SFMBT2: variants seen among roughly 807,000 people sequenced by gnomAD.
SFMBT2 encodes scm-like with four MBT domains protein 2.
In SFMBT2, 38 loss-of-function variants were observed where a neutral mutation model predicts 110.1. The ratio of observed to expected loss-of-function variants is 0.35; its 90% CI spans 0.27 to 0.45. SFMBT2 has a LOEUF of 0.45. SFMBT2 is among the 20% of genes least tolerant of loss of function. The pLI, the probability that SFMBT2 is intolerant of heterozygous loss-of-function variation, is 1.00. For synonymous variants in SFMBT2, 425 were observed against 425.4 expected, an observed-to-expected ratio of 1.00 and a Z score of 0.01; for missense variants, 1,011 against 1,094.9, an observed-to-expected ratio of 0.92 and a Z score of 1.08.
intron 4 of SFMBT2, among the ~76,000 whole-genome samples, chr10:7,315,038 G>GAGAGAGAAAGAA (rs1842956718): frequency 1.2e-5 from 1 of 82,176 alleles, no homozygotes; most frequent in Non-Finnish European, 2.4e-5. Context: ...AAGAAAGAAA[G>GAGAGAGAAAGAA]AGAAAGAAAG....
chr10:7,276,729 T>C (rs988915217), intron 7 of SFMBT2, among the ~76,000 whole-genome samples, 163 bp downstream of exon 7: 1 of 152,122 alleles, frequency 6.6e-6, no homozygotes, highest in Admixed American at 6.5e-5. Context: ...GGTTTCACCA[T>C]GTTAGCCAGG....
chr10:7,397,124 CT>C (rs899799038), intron 1 of SFMBT2, among the ~76,000 whole-genome samples: 19 of 152,242 alleles, frequency 1.2e-4, no homozygotes, highest in Non-Finnish European at 2.6e-4. Context: ...AAAAGTGAAA[CT>C]TTAAACTGTG....
chr10:7,288,289 A>T (rs1320141936), intron 4 of SFMBT2, among the ~76,000 whole-genome samples: 3 of 152,240 alleles, frequency 2.0e-5, no homozygotes, highest in African/African-American at 7.2e-5. Flanking sequence ...AACAAGGCCG[A>T]GTCCAGCTTT....
chr10:7,388,353 T>TGATGATGATGATGATGATTGA (rs1845675002), intron 1 of SFMBT2, among the ~76,000 whole-genome samples: 1 of 150,942 alleles, frequency 6.6e-6, no homozygotes, highest in Non-Finnish European at 1.5e-5. Flanking sequence ...ATGATGATGA[T>TGATGATGATGATGATGATTGA]GATGATGATG....
chr10:7,404,638 A>G (rs569021420), intron 1 of SFMBT2, among the ~76,000 whole-genome samples: 3 of 152,350 alleles, frequency 2.0e-5, no homozygotes, highest in African/African-American at 7.2e-5. Flanking sequence ...AAAGGAATGA[A>G]ACAGAAAAAC....
intron 1 of SFMBT2, among the ~76,000 whole-genome samples, chr10:7,407,015 G>A (rs1256167161): frequency 2.0e-5 from 3 of 152,150 alleles, no homozygotes; most frequent in African/African-American, 7.2e-5. Context: ...GAAGTGCGTG[G>A]GTGTCTCCCA....
chr10:7,199,426 G>T (rs1438777807), intron 14 of SFMBT2, among the ~76,000 whole-genome samples: 1 of 152,166 alleles, frequency 6.6e-6, no homozygotes, highest in Non-Finnish European at 1.5e-5. Flanking sequence ...ATCTGGGATG[G>T]TAATTTAACA....
intron 11 of SFMBT2, 92 bp from the exon 12 acceptor site, chr10:7,206,020 G>T: frequency 1.3e-6 from 2 of 1,505,386 alleles, no homozygotes; most frequent in Non-Finnish European, 8.9e-7. Context: ...CCTAACATGG[G>T]GAAAAACATT....
chr10:7,398,335 A>T (rs967176873), intron 1 of SFMBT2, among the ~76,000 whole-genome samples: 1 of 152,250 alleles, frequency 6.6e-6, no homozygotes, highest in Non-Finnish European at 1.5e-5. Context: ...AATGAGAAAA[A>T]CAAGAGGCTT....
chr10:7,200,342 A>G, intron 14 of SFMBT2, 72 bp downstream of exon 14: 2 of 1,204,566 alleles, frequency 1.7e-6, no homozygotes, highest in Non-Finnish European at 2.3e-6. Flanking sequence ...ATCGACCTAG[A>G]AACCTATACA....
chr10:7,195,353 G>C (rs2131590574), intron 15 of SFMBT2, among the ~76,000 whole-genome samples: 1 of 152,258 alleles, frequency 6.6e-6, no homozygotes, highest in African/African-American at 2.4e-5. Flanking sequence ...CCTTCCCAGG[G>C]TGTGGCCCTC....
At chr10:7,286,594 A>G (rs901418515) in intron 4 of SFMBT2, among the ~76,000 whole-genome samples, 2 of 152,230 alleles carry the variant, frequency 1.3e-5, no homozygotes, top group African/African-American at 4.8e-5. Context: ...AAAAACTCCA[A>G]TGTAACAACT....
In SFMBT2 at chr10:7,339,240, G is replaced by A. The variant is rs541631579; in HGVS notation, c.436+28409C>T. On this transcript the variant is annotated intron_variant, in intron 4 of 20. Transcript: ENST00000397167. ...AGGCAACAAAGCGAGACTCCATCTC[G>A]ATGAATAAATAAATAAATGAATAAA... 1.9e-4 allele frequency among the ~76,000 whole-genome samples: 29 copies of A among 151,952 alleles called. 1 individual carries two copies. Among genetic ancestry groups the A allele is most frequent in the African/African-American group, 6.3e-4 (26 of 41,440 alleles).
chr10:7,342,857 G>A (rs538653780), intron 4 of SFMBT2, among the ~76,000 whole-genome samples: 17 of 152,248 alleles, frequency 1.1e-4, no homozygotes, highest in South Asian at 4.1e-4. Context: ...AAAAATTGTC[G>A]AAAGCAATGT....
At chr10:7,302,315 C>T (rs1257734295) in intron 4 of SFMBT2, among the ~76,000 whole-genome samples, 2 of 152,220 alleles carry the variant, frequency 1.3e-5, no homozygotes, top group Non-Finnish European at 2.9e-5. Flanking sequence ...TTCTTATAGT[C>T]TGAATTCATC....
intron 4 of SFMBT2, among the ~76,000 whole-genome samples, chr10:7,290,278 AAG>A (rs1482333215): frequency 6.6e-6 from 1 of 152,122 alleles, no homozygotes; most frequent in Non-Finnish European, 1.5e-5. Context: ...AAAAAAAAGA[AAG>A]AAACTTCTAC....
At position 7,221,802 on chromosome 10, in the gene SFMBT2, A is replaced by G. The variant is rs1248286438; in HGVS notation, c.1204-1265T>C. 2.0e-5 allele frequency among the ~76,000 whole-genome samples: 3 copies of G among 152,112 alleles called. No homozygotes were observed. The South Asian group carries it at 6.2e-4, about 32-fold the overall frequency. On this transcript the variant is annotated intron_variant, in intron 10 of 20. Coordinates refer to ENST00000397167, the MANE Select transcript of SFMBT2 (RefSeq NM_001387889.1). ...TAGAGTAAAATTCAGTCTTTTGGGTATACTGTTCTCCGAGGGTAGGGCTGT... is the reference window on the plus strand; with the variant it reads ...TAGAGTAAAATTCAGTCTTTTGGGTGTACTGTTCTCCGAGGGTAGGGCTGT...
chr10:7,403,660 A>G (rs1016082569), intron 1 of SFMBT2, among the ~76,000 whole-genome samples: 2 of 152,212 alleles, frequency 1.3e-5, no homozygotes, highest in East Asian at 1.9e-4. Context: ...TAAATAAATA[A>G]AAATAAATAA....
At chr10:7,188,405 A>T (rs1338765970) in intron 16 of SFMBT2, among the ~76,000 whole-genome samples, 1 of 152,222 alleles carries the variant, frequency 6.6e-6, no homozygotes, top group Non-Finnish European at 1.5e-5. Flanking sequence ...AATATTAGTT[A>T]AGGAAATCTC....
Sources: allele counts gnomAD v4.1 joint callset (sites outside exome capture counted in the v4.1 genomes callset), GRCh38; gene constraint gnomAD v4.1.1; transcripts MANE v1.5; gene names NCBI Gene and HGNC (gene_info 2026-07-23, HGNC 2026-07-21).